SHANK2: variants seen among roughly 807,000 people sequenced by gnomAD.
SHANK2 encodes the protein SH3 and multiple ankyrin repeat domains 2, also known as SH3 and multiple ankyrin repeat domains protein 2.
Under a neutral mutation model 133.7 loss-of-function variants are expected in SHANK2, and 43 were observed. The ratio of observed to expected loss-of-function variants is 0.32; its 90% CI spans 0.25 to 0.41. The LOEUF (loss-of-function observed/expected upper bound fraction) is 0.41. SHANK2 is among the 10% of genes least tolerant of loss of function. The pLI, the probability that SHANK2 is intolerant of heterozygous loss-of-function variation, is 1.00. For missense variants in SHANK2, 1,994 were observed against 2,235.8 expected (o/e 0.89, Z 2.18); for synonymous variants, 1,017 against 952.8 (o/e 1.07, Z -1.24).
Position 71,168,644 on chromosome 11 carries a change from G to A in SHANK2, c.-12-21306C>T, listed in dbSNP as rs190115371. 3.8e-3 allele frequency among the ~76,000 whole-genome samples: 575 copies of A among 152,300 alleles called. 2 individuals are homozygous for A. Among genetic ancestry groups the A allele is most frequent in the African/African-American group, 0.013 (541 of 41,544 alleles). ...TGGAGACCAGCCCAGCCAACACAGCGAAACCCTGTCTCCACCAAAAAAATA... is the reference window on the plus strand; with the variant it reads ...TGGAGACCAGCCCAGCCAACACAGCAAAACCCTGTCTCCACCAAAAAAATA... On this transcript the variant is annotated intron_variant, in intron 2 of 25. Coordinates refer to ENST00000601538, the MANE Select transcript of SHANK2 (RefSeq NM_012309.5).
rs2059080663 is a variant in SHANK2, at chr11:70,502,848, C to T, written c.2145G>A (p.Lys715=). Residue 715 remains lysine, a synonymous_variant, in exon 18 of 26, where the codon AAG becomes AAA. Transcript: ENST00000601538. ...IRQGGNHLVL[K]VVTVTRNLDP... Reference sequence around the variant, plus strand: ...CCAGATTCCTGGTCACCGTGACCACCTTAAGGACCAGGTGATTCCCTCCCT... The same window carrying T: ...CCAGATTCCTGGTCACCGTGACCACTTTAAGGACCAGGTGATTCCCTCCCT... 1 of 1,613,758 alleles carries T rather than the reference C, an allele frequency of 6.2e-7. No individual in the cohort carries two copies. Among genetic ancestry groups the T allele is most frequent in the African/African-American group, 1.3e-5 (1 of 74,914 alleles).
At chr11:70,874,642 G>C (rs1365119079) in intron 11 of SHANK2, among the ~76,000 whole-genome samples, 1 of 132,336 alleles carries the variant, frequency 7.6e-6, no homozygotes, top group Non-Finnish European at 1.6e-5. Context: ...AATAGTTCAT[G>C]TAAGCATTGA....
At chr11:71,141,264 G>A (rs1445499736) in intron 3 of SHANK2, among the ~76,000 whole-genome samples, 1 of 152,070 alleles carries the variant, frequency 6.6e-6, no homozygotes, top group Non-Finnish European at 1.5e-5. Flanking sequence ...AGATCGAGGT[G>A]GGCAGATCAC....
chr11:71,144,233 T>A (rs72957691), intron 3 of SHANK2, among the ~76,000 whole-genome samples: 1 of 152,080 alleles, frequency 6.6e-6, no homozygotes. Context: ...CGTGCACCCA[T>A]GCACACATAA....
intron 17 of SHANK2, among the ~76,000 whole-genome samples, chr11:70,552,444 G>A (rs868926456): frequency 1.1e-4 from 17 of 152,184 alleles, no homozygotes; most frequent in Admixed American, 2.6e-4. Context: ...GTCATTTATC[G>A]AGTGCTTCAA....
At chr11:71,209,021 C>T (rs1954192137) in intron 2 of SHANK2, among the ~76,000 whole-genome samples, 1 of 152,152 alleles carries the variant, frequency 6.6e-6, no homozygotes, top group African/African-American at 2.4e-5. Context: ...GACACTCGGC[C>T]CCAATGTCAG....
chr11:70,738,650 G>A (rs1199509962), intron 14 of SHANK2, among the ~76,000 whole-genome samples: 1 of 152,136 alleles, frequency 6.6e-6, no homozygotes, highest in South Asian at 2.1e-4. Flanking sequence ...TGGACCCCTC[G>A]TCCTGTCTTT....
intron 11 of SHANK2, among the ~76,000 whole-genome samples, chr11:70,834,441 A>G (rs1479282255): frequency 2.0e-5 from 3 of 152,212 alleles, no homozygotes; most frequent in African/African-American, 7.2e-5. Context: ...AGAAACAAAG[A>G]CTGAATGCTG....
intron 9 of SHANK2, among the ~76,000 whole-genome samples, chr11:71,067,466 G>A (rs1951080174): frequency 6.6e-6 from 1 of 152,160 alleles, no homozygotes; most frequent in Admixed American, 6.5e-5. Flanking sequence ...GAGGTGAGGG[G>A]TTGACAGATT....
At chr11:70,776,673 C>T (rs893926550) in intron 14 of SHANK2, among the ~76,000 whole-genome samples, 7 of 152,050 alleles carry the variant, frequency 4.6e-5, no homozygotes, top group Non-Finnish European at 1.0e-4. Context: ...CCCATCCATC[C>T]ATCTACCTAG....
chr11:70,646,321 T>G (rs893521546), intron 17 of SHANK2: 1 of 152,250 alleles, frequency 6.6e-6, no homozygotes, highest in Non-Finnish European at 1.5e-5. Context: ...GTGTCCCAAG[T>G]GCAGCATTTA....
rs534162932 is a variant in SHANK2, at chr11:71,180,650, G to A, written c.-12-33312C>T. Among the ~76,000 whole-genome samples the A allele has an allele frequency of 2.0e-3, 305 of 152,192 alleles. 3 individuals carry two copies. Among genetic ancestry groups the A allele is most frequent in the African/African-American group, 7.1e-3 (293 of 41,516 alleles). On this transcript the variant is annotated intron_variant, in intron 2 of 25. Coordinates refer to ENST00000601538, the MANE Select transcript of SHANK2 (RefSeq NM_012309.5). ...ATGGCATTTTTTTGGCGGGGGCGGC[G>A]GGAATGGCATGTTTGAACAAACCTG...
intron 2 of SHANK2, among the ~76,000 whole-genome samples, chr11:71,207,150 T>C (rs1289158443): frequency 6.6e-6 from 1 of 150,422 alleles, no homozygotes; most frequent in Non-Finnish European, 1.5e-5. Context: ...AATAGGAACA[T>C]TTGGATTCAA....
At chr11:70,886,050 T>G (rs538687310) in intron 11 of SHANK2, among the ~76,000 whole-genome samples, 1 of 152,238 alleles carries the variant, frequency 6.6e-6, no homozygotes, top group African/African-American at 2.4e-5. Context: ...CAGAGCTGGT[T>G]ATGTCCGGAT....
intron 17 of SHANK2, among the ~76,000 whole-genome samples, chr11:70,538,743 C>T (rs1199447355): frequency 6.6e-6 from 1 of 152,212 alleles, no homozygotes; most frequent in Non-Finnish European, 1.5e-5. Context: ...GGCAGAACAG[C>T]CCCCGGGGCA....
At chr11:70,751,041 G>GA (rs147798675) in intron 14 of SHANK2, among the ~76,000 whole-genome samples, 17 of 150,436 alleles carry the variant, frequency 1.1e-4, no homozygotes, top group South Asian at 4.2e-4. Context: ...CAATACAAAT[G>GA]AAAAAAAAAT....
At chr11:71,240,218 G>A (rs936798780) in intron 1 of SHANK2, among the ~76,000 whole-genome samples, 4 of 152,274 alleles carry the variant, frequency 2.6e-5, no homozygotes, top group Non-Finnish European at 4.4e-5. Context: ...CCCAGACACG[G>A]TGTATCTTCT....
chr11:70,534,146 G>A (rs1007116326), intron 17 of SHANK2, among the ~76,000 whole-genome samples: 8 of 152,206 alleles, frequency 5.3e-5, no homozygotes, highest in African/African-American at 1.7e-4. Flanking sequence ...CCAAGACTGG[G>A]TAATTTATAA....
intron 11 of SHANK2, among the ~76,000 whole-genome samples, chr11:70,874,037 C>A (rs1555070713): frequency 6.6e-6 from 1 of 152,158 alleles, no homozygotes; most frequent in East Asian, 1.9e-4. Flanking sequence ...CACAGAAATT[C>A]CTCCATCTAG....
Sources: gnomAD v4.1 joint callset for allele counts (sites outside exome capture counted in the v4.1 genomes callset) on GRCh38, gnomAD v4.1.1 for gene constraint, MANE v1.5 for transcripts, NCBI Gene and HGNC (gene_info 2026-07-23, HGNC 2026-07-21) for gene names.